Variants in BAZ2B observed in about 807,000 individuals in gnomAD.
BAZ2B encodes the protein bromodomain adjacent to zinc finger domain 2B.
In BAZ2B, 91 loss-of-function variants were observed where a neutral mutation model predicts 246.0. That is an observed-to-expected ratio of 0.37 (90% CI 0.31 to 0.44). The LOEUF is 0.44. Ranked by LOEUF, BAZ2B falls within the 20% of genes least tolerant of loss-of-function variation. The pLI is 1.00. For synonymous variants in BAZ2B, 855 were observed against 860.0 expected (o/e 0.99, Z 0.10); for missense variants, 2,332 against 2,533.7 (o/e 0.92, Z 1.71).
At chr2:159,339,320 C>T (rs1446125257) in intron 31 of BAZ2B, among the ~76,000 whole-genome samples, 3 of 152,030 alleles carry the variant, frequency 2.0e-5, no homozygotes, top group African/African-American at 7.2e-5. Flanking sequence ...GTTCCTGTGG[C>T]AAGAGAGAAG....
At chr2:159,434,480 GTGA>G (rs2071808223) in intron 8 of BAZ2B, 1 of 152,106 alleles carries the variant, frequency 6.6e-6, no homozygotes, top group African/African-American at 2.4e-5. Flanking sequence ...TTCTAAGTTG[GTGA>G]CTATATGTAC....
intron 1 of BAZ2B, among the ~76,000 whole-genome samples, chr2:159,565,897 A>C (rs536480708): frequency 6.6e-6 from 1 of 152,348 alleles, no homozygotes. Context: ...GATTATATGG[A>C]AACTATACTG....
chr2:159,674,061 C>T, the BAZ2B span, among the ~76,000 whole-genome samples: 4 of 151,412 alleles, frequency 2.6e-5, no homozygotes, highest in East Asian at 1.9e-4. Context: ...AGAACAGGCA[C>T]GTCAGATGCA....
chr2:159,349,458 C>T (rs1166536960), intron 28 of BAZ2B, among the ~76,000 whole-genome samples, 178 bp from the exon 29 acceptor site: 4 of 152,034 alleles, frequency 2.6e-5, no homozygotes, highest in Non-Finnish European at 5.9e-5. Context: ...TATTTGTTTC[C>T]CAAAGTAATT....
chr2:159,503,504 T>C (rs1468357756), intron 2 of BAZ2B, among the ~76,000 whole-genome samples: 1 of 152,214 alleles, frequency 6.6e-6, no homozygotes, highest in Non-Finnish European at 1.5e-5. Context: ...TAATCTTGTG[T>C]ATTCCCTAAT....
At position 159,433,013 on chromosome 2, in the gene BAZ2B, C is replaced by T. The variant is rs1009959560; in HGVS notation, c.1644G>A (p.Gln548=). ...GAGAGGCAGAGGGCATTACAGGTGT[C>T]TGATTGCCAGGGGTTCTTCTCCCAC... is the stretch of plus-strand genomic sequence containing the variant. ...STSGRRTPGN[Q]TPVMPSASPI... The change falls in exon 9 of 37, where the codon CAG becomes CAA. Residue 548 remains glutamine (Q), a synonymous_variant. Coordinates refer to ENST00000392783, the MANE Select transcript of BAZ2B (RefSeq NM_013450.4). 1.2e-6 allele frequency: 2 copies of T among 1,614,018 alleles called. No homozygotes were observed. Among genetic ancestry groups the T allele is most frequent in the African/African-American group, 2.7e-5 (2 of 74,918 alleles).
At chr2:159,485,440 A>G (rs1447699018) in intron 2 of BAZ2B, among the ~76,000 whole-genome samples, 2 of 152,188 alleles carry the variant, frequency 1.3e-5, no homozygotes, top group South Asian at 4.1e-4. Flanking sequence ...AGTATGGTAT[A>G]CAGTGGTTTA....
chr2:159,571,805 C>T (rs747425609), intron 1 of BAZ2B, among the ~76,000 whole-genome samples: 7 of 152,066 alleles, frequency 4.6e-5, no homozygotes, highest in Non-Finnish European at 1.0e-4. Flanking sequence ...AGGGAGTGCC[C>T]GAGATAAAGA....
At chr2:159,561,659 GCTA>G (rs2089890639) in intron 1 of BAZ2B, among the ~76,000 whole-genome samples, 1 of 152,120 alleles carries the variant, frequency 6.6e-6, no homozygotes, top group African/African-American at 2.4e-5. Flanking sequence ...CATATCAGAT[GCTA>G]CTACTATGTA....
intron 4 of BAZ2B, among the ~76,000 whole-genome samples, chr2:159,449,115 G>A (rs1033145270): frequency 4.6e-5 from 7 of 152,082 alleles, no homozygotes; most frequent in African/African-American, 1.7e-4. Context: ...AGATAACAAT[G>A]ATTGTTTTAT....
Position 159,430,985 on chromosome 2 carries a change from G to C in BAZ2B, c.2072C>G (p.Thr691Arg). The change falls in exon 10 of 37, where the codon ACA becomes AGA. Residue 691 changes from threonine to arginine, a missense_variant. This residue lies in a region of BAZ2B where 651 missense variants were observed against 650.9 expected (regional missense o/e 1.00). Coordinates refer to ENST00000392783, the MANE Select transcript of BAZ2B (RefSeq NM_013450.4). ...SPSMSLTGHS[T>R]PRNLHIAKAP... The stretch of plus-strand genomic sequence containing the variant: ...TTTTGCTATGTGGAGGTTACGAGGT[G>C]TTGAGTGACCTGTGAGACTCATGGA... 6.2e-7 allele frequency: 1 copy of C among 1,614,016 alleles called. No individual in the cohort carries two copies. The highest frequency in any genetic ancestry group is 8.5e-7 in the Non-Finnish European group (1 of 1,179,890).
At chr2:159,638,210 C>T in the BAZ2B span, among the ~76,000 whole-genome samples, 1 of 152,246 alleles carries the variant, frequency 6.6e-6, no homozygotes, top group Admixed American at 6.5e-5. Flanking sequence ...CCACAAAAAA[C>T]ACAGCATTAT....
chr2:159,400,647 T>G lies in BAZ2B; in HGVS notation c.2850A>C (p.Ile950=). 6.4e-7 allele frequency: 1 copy of G among 1,573,746 alleles called. No homozygotes were observed. Among genetic ancestry groups the G allele is most frequent in the Non-Finnish European group, 8.7e-7 (1 of 1,149,804 alleles). Residue 950 remains isoleucine, a synonymous_variant, in exon 17 of 37, where the codon ATA becomes ATC. Coordinates refer to ENST00000392783, the MANE Select transcript of BAZ2B (RefSeq NM_013450.4). ...GTTCTTTTTCCATTCTGATTTGCTG[T>G]ATTCTCTTAATTTTTTCCTGTAGGA... is the stretch of plus-strand genomic sequence containing the variant. ...IMKQQEKIKR[I]QQIRMEKELR...
chr2:159,403,227 T>C (rs1338944310), intron 16 of BAZ2B, among the ~76,000 whole-genome samples: 1 of 152,226 alleles, frequency 6.6e-6, no homozygotes, highest in Non-Finnish European at 1.5e-5. Flanking sequence ...AGAATTACTC[T>C]ATACTTTGAT....
At chr2:159,405,196 C>T (rs1022597690) in intron 14 of BAZ2B, 82 bp from the exon 15 acceptor site, 5 of 1,195,324 alleles carry the variant, frequency 4.2e-6, no homozygotes, top group Non-Finnish European at 6.1e-6. Context: ...AAAATGGTAT[C>T]ATCATAAAGG....
intron 3 of BAZ2B, among the ~76,000 whole-genome samples, chr2:159,456,463 GA>G (rs2075786579): frequency 6.6e-6 from 1 of 151,998 alleles, no homozygotes; most frequent in South Asian, 2.1e-4. Flanking sequence ...TGGCAACAAT[GA>G]AGAACCAATG....
chr2:159,541,945 G>A (rs966856100), intron 2 of BAZ2B, among the ~76,000 whole-genome samples: 1 of 152,114 alleles, frequency 6.6e-6, no homozygotes, highest in Admixed American at 6.6e-5. Context: ...GGAAAACAAT[G>A]TATGAACAAA....
At chr2:159,380,733 C>T (rs1482271238) in intron 25 of BAZ2B, among the ~76,000 whole-genome samples, 3 of 152,098 alleles carry the variant, frequency 2.0e-5, no homozygotes, top group Non-Finnish European at 4.4e-5. Flanking sequence ...CCTACAGGTA[C>T]CAGCCCCCAG....
Position 159,349,878 on chromosome 2 carries a change from G to T in BAZ2B, c.4693C>A (p.Arg1565=). 6.2e-7 allele frequency: 1 copy of T among 1,614,166 alleles called. No homozygotes were observed. Among genetic ancestry groups the T allele is most frequent in the Non-Finnish European group, 8.5e-7 (1 of 1,180,016 alleles). Residue 1565 remains arginine, a synonymous_variant, in exon 28 of 37, where the codon CGA becomes AGA. Coordinates refer to ENST00000392783, the MANE Select transcript of BAZ2B (RefSeq NM_013450.4). ...KNRQWFSLLP[R]TPCDDTSLTH... Reference sequence around the variant, plus strand: ...AGTGAAGTGTCATCACAGGGTGTTCGTGGCAAAAGACTAAACCATTGTCTA... The same window carrying T: ...AGTGAAGTGTCATCACAGGGTGTTCTTGGCAAAAGACTAAACCATTGTCTA...
Sources: gnomAD v4.1 joint callset for allele counts (sites outside exome capture counted in the v4.1 genomes callset) on GRCh38, gnomAD v4.1.1 for gene constraint, gnomAD v4.1.1 regional missense constraint, MANE v1.5 for transcripts, NCBI Gene and HGNC (gene_info 2026-07-23, HGNC 2026-07-21) for gene names.